Variants in ADGRG4 observed in about 807,000 individuals in gnomAD.
ADGRG4 encodes the protein adhesion G protein-coupled receptor G4, also known as G protein-coupled receptor 112.
A neutral mutation model predicts 126.2 loss-of-function variants in ADGRG4; 122 were observed. The ratio of observed to expected loss-of-function variants is 0.97; its 90% CI spans 0.83 to 1.12. The LOEUF is 1.12. Ranked by LOEUF, ADGRG4 falls within the 50% of genes most tolerant of loss-of-function variation. The pLI is 0.00. For missense variants in ADGRG4, 2,481 were observed against 2,251.8 expected (o/e 1.10, Z -2.06); for synonymous variants, 943 against 838.7 (o/e 1.12, Z -2.15).
chrX:136,326,010 C>T lies in ADGRG4; in HGVS notation c.685+2618C>T, dbSNP rs747749811. On this transcript the variant is annotated intron_variant, in intron 5 of 25. Transcript: ENST00000394143. ...ACAGGCGTGAGCCAATGCACCCGGC[C>T]TCTTTCATACACTTTTTAATGGACG... Among the ~76,000 whole-genome samples, 7 of 112,478 alleles carry T rather than the reference C, an allele frequency of 6.2e-5. No homozygotes were observed. In the Admixed American group the frequency reaches 6.6e-4, roughly 11 times the overall value.
In ADGRG4 at chrX:136,412,335, C is replaced by A; in HGVS notation, c.9006C>A (p.Cys3002Ter). The A allele has an allele frequency of 8.4e-7, 1 of 1,191,735 alleles. No individual in the cohort carries two copies. Among genetic ancestry groups the A allele is most frequent in the Non-Finnish European group, 1.1e-6 (1 of 877,135 alleles). Residue 3002 changes from cysteine (C) to a stop codon, truncating the protein, a stop_gained, in exon 24 of 26, where the codon TGC (cysteine) becomes TGA (stop). Transcript: ENST00000394143. LOFTEE classifies it high-confidence loss of function. ...GGGAGCAGTGGCAGATACACCTCTG[C>A]TGTGGGTGGTTGCGATTGGATAACT... ...SVREQWQIHL[C>*]CGWLRLDNSS...
At chrX:136,342,368 G>T (rs1319371772) in intron 5 of ADGRG4, among the ~76,000 whole-genome samples, 2 of 112,039 alleles carry the variant, frequency 1.8e-5, no homozygotes, top group Admixed American at 1.9e-4. Context: ...GCCAGGCACT[G>T]GGATAGACAC....
Position 136,338,741 on chromosome X carries a change from A to T in ADGRG4, c.686-5651A>T, listed in dbSNP as rs183198514. Among the ~76,000 whole-genome samples the T allele has an allele frequency of 3.2e-3, 355 of 111,661 alleles. 3 individuals carry two copies. Among genetic ancestry groups the T allele is most frequent in the Non-Finnish European group, 5.0e-3 (266 of 53,174 alleles). On this transcript the variant is annotated intron_variant, in intron 5 of 25. Transcript: ENST00000394143. ...ATTATCTTTTCTTACTCAAGTTGTG[A>T]TTTTGTTGCTTCTAAATATGACAGG... is the stretch of plus-strand genomic sequence containing the variant.
At chrX:136,360,136 A>T (rs1218490037) in intron 11 of ADGRG4, among the ~76,000 whole-genome samples, 1 of 111,416 alleles carries the variant, frequency 9.0e-6, no homozygotes, top group Non-Finnish European at 1.9e-5. Context: ...TGTTGAAGCC[A>T]CAGGTAGAGC....
chrX:136,361,891 T>C (rs760467311), intron 12 of ADGRG4, among the ~76,000 whole-genome samples: 3 of 112,152 alleles, frequency 2.7e-5, no homozygotes, highest in African/African-American at 9.7e-5. Context: ...ATATATTTTT[T>C]TCATGTAACC....
In ADGRG4 at chrX:136,392,251, C is replaced by T. The variant is rs758725831; in HGVS notation, c.7931C>T (p.Ala2644Val). The T allele has an allele frequency of 1.8e-5, 21 of 1,162,174 alleles. No homozygotes were observed. In the African/African-American group the frequency reaches 3.1e-4, roughly 17 times the overall value. ...SLFKTKNVTK[A>V]LTTYVVSASI... The stretch of plus-strand genomic sequence containing the variant: ...CTGCAGACCAAAAATGTCACTAAAG[C>T]ATTAACCACCTATGTTGTGAGTGCC... The change falls in exon 17 of 26, where the codon GCA becomes GTA. Residue 2644 changes from alanine (A) to valine (V), a missense_variant. Transcript: ENST00000394143.
chrX:136,408,308 C>T (rs907786047), intron 23 of ADGRG4, among the ~76,000 whole-genome samples: 2 of 111,450 alleles, frequency 1.8e-5, no homozygotes, highest in African/African-American at 6.5e-5. Flanking sequence ...TATGAATGAT[C>T]CCATCATCTA....
intron 5 of ADGRG4, among the ~76,000 whole-genome samples, chrX:136,339,845 A>C (rs759396419): frequency 5.3e-4 from 59 of 112,204 alleles, no homozygotes; most frequent in Non-Finnish European, 9.6e-4. Context: ...TTTTAACATC[A>C]GTTCTTGGGC....
chrX:136,315,801 A>C (rs1316921241), intron 4 of ADGRG4, among the ~76,000 whole-genome samples: 1 of 112,172 alleles, frequency 8.9e-6, no homozygotes, highest in Non-Finnish European at 1.9e-5. Context: ...AAGAAGAAAA[A>C]GTGTGGACAC....
At position 136,335,837 on chromosome X, in the gene ADGRG4, A is replaced by G. The variant is rs140041817; in HGVS notation, c.686-8555A>G. On this transcript the variant is annotated intron_variant, in intron 5 of 25. Coordinates refer to ENST00000394143, the MANE Select transcript of ADGRG4 (RefSeq NM_153834.4). Reference sequence around the variant, plus strand: ...ATATTTGCTCCATTGATTTTTCTCTATTGTCTTCTTATTTTTAATTTCATT... The same window carrying G: ...ATATTTGCTCCATTGATTTTTCTCTGTTGTCTTCTTATTTTTAATTTCATT... Among the ~76,000 whole-genome samples, 716 of 109,744 alleles carry G rather than the reference A, an allele frequency of 6.5e-3. 5 individuals are homozygous for G. Among genetic ancestry groups the G allele is most frequent in the African/African-American group, 0.022 (679 of 30,271 alleles).
intron 3 of ADGRG4, among the ~76,000 whole-genome samples, chrX:136,306,714 C>CTT (rs57109734): frequency 9.2e-5 from 9 of 97,846 alleles, no homozygotes; most frequent in Admixed American, 2.3e-4. Flanking sequence ...TACCTTATTC[C>CTT]TTTTTTTTTT....
chrX:136,377,167 C>CTTTTTTTTTTTTTTTTT (rs1184343263), intron 15 of ADGRG4, among the ~76,000 whole-genome samples: 28 of 48,637 alleles, frequency 5.8e-4, no homozygotes, highest in African/African-American at 1.2e-3. Context: ...GTTTTCTTTC[C>CTTTTTTTTTTTTTTTTT]TTTTTTTTTT....
chrX:136,379,666 T>G (rs2075247926), intron 15 of ADGRG4, among the ~76,000 whole-genome samples: 1 of 109,906 alleles, frequency 9.1e-6, no homozygotes, highest in African/African-American at 3.3e-5. Flanking sequence ...AAAAATGAAA[T>G]GTATGTTGTG....
chrX:136,319,697 TTCTA>T (rs59139457), intron 4 of ADGRG4, among the ~76,000 whole-genome samples: 37,883 of 94,881 alleles, frequency 0.4, 6,198 homozygotes, highest in Middle Eastern at 0.45. Flanking sequence ...GCCACAGTGA[TTCTA>T]TCTATCTATC....
At chrX:136,375,937 C>T (rs999697819) in intron 15 of ADGRG4, among the ~76,000 whole-genome samples, 2 of 112,060 alleles carry the variant, frequency 1.8e-5, no homozygotes, top group African/African-American at 6.5e-5. Flanking sequence ...CTTTTGGGGT[C>T]TTAGTCATGA....
At chrX:136,390,760 A>G (rs2075315495) in intron 16 of ADGRG4, among the ~76,000 whole-genome samples, 4 of 111,202 alleles carry the variant, frequency 3.6e-5, no homozygotes, top group African/African-American at 1.3e-4. Context: ...AAACCAGAGA[A>G]AAGGCTAATT....
chrX:136,366,176 A>G (rs745993453), intron 13 of ADGRG4, among the ~76,000 whole-genome samples: 7 of 112,309 alleles, frequency 6.2e-5, no homozygotes, highest in South Asian at 3.7e-4. Flanking sequence ...AAAGTCCTCT[A>G]TGCTCCACTT....
chrX:136,315,930 T>C (rs1329093577), intron 4 of ADGRG4, among the ~76,000 whole-genome samples: 1 of 111,620 alleles, frequency 9.0e-6, no homozygotes, highest in Non-Finnish European at 1.9e-5. Context: ...GAAAGAGGCA[T>C]AGAACAGATT....
chrX:136,368,282 T>C (rs986093192), intron 13 of ADGRG4, among the ~76,000 whole-genome samples: 2 of 112,367 alleles, frequency 1.8e-5, no homozygotes, highest in African/African-American at 6.5e-5. Flanking sequence ...TTGTGATGAA[T>C]AGATGAGAAA....
Sources: gnomAD v4.1 joint callset for allele counts (sites outside exome capture counted in the v4.1 genomes callset) on GRCh38, gnomAD v4.1.1 for gene constraint, MANE v1.5 for transcripts, NCBI Gene and HGNC (gene_info 2026-07-23, HGNC 2026-07-21) for gene names.